The following NMNAT3 variants were observed in gnomAD, a reference collection of about 807,000 sequenced individuals.
The protein encoded by NMNAT3 is nicotinamide nucleotide adenylyltransferase 3.
NMNAT3 carries 21 observed loss-of-function variants against 24.8 expected under a neutral mutation model. The ratio of observed to expected loss-of-function variants is 0.85; its 90% CI spans 0.60 to 1.22. The LOEUF (loss-of-function observed/expected upper bound fraction) is 1.22, where lower values mean the gene tolerates loss of function less well. Among genes scored for constraint, NMNAT3 ranks in the 50% most tolerant of loss-of-function variants. The pLI is 0.00. For missense variants in NMNAT3, 387 were observed against 436.6 expected, an observed-to-expected ratio of 0.89 and a Z score of 1.01; for synonymous variants, 136 against 155.2, an observed-to-expected ratio of 0.88 and a Z score of 0.92.
intron 3 of NMNAT3, among the ~76,000 whole-genome samples, chr3:139,610,100 G>T (rs1314317193): frequency 1.3e-5 from 2 of 152,114 alleles, no homozygotes. Context: ...ATGAGTAATG[G>T]TTCCCCATTT....
At chr3:139,601,480 G>A (rs997179905) in intron 3 of NMNAT3, among the ~76,000 whole-genome samples, 8 of 152,154 alleles carry the variant, frequency 5.3e-5, no homozygotes, top group Non-Finnish European at 8.8e-5. Context: ...GCAGATACAC[G>A]GTTGGAAAGC....
chr3:139,592,220 C>T (rs893630552), intron 3 of NMNAT3, among the ~76,000 whole-genome samples: 50 of 151,796 alleles, frequency 3.3e-4, no homozygotes, highest in Middle Eastern at 3.4e-3. Flanking sequence ...AGGGTATCAG[C>T]GATGGAAGAT....
intron 1 of NMNAT3, among the ~76,000 whole-genome samples, chr3:139,657,730 T>C (rs1440862767): frequency 1.3e-5 from 2 of 151,038 alleles, no homozygotes; most frequent in Non-Finnish European, 3.0e-5. Flanking sequence ...GTGGAAGTCA[T>C]GTTGTGGGGG....
At chr3:139,666,762 C>G (rs912842534) in intron 1 of NMNAT3, among the ~76,000 whole-genome samples, 1 of 152,158 alleles carries the variant, frequency 6.6e-6, no homozygotes, top group African/African-American at 2.4e-5. Context: ...CCTTGCTACC[C>G]TCTGGTTATG....
intron 1 of NMNAT3, among the ~76,000 whole-genome samples, chr3:139,671,432 A>G (rs1347305715): frequency 6.6e-6 from 1 of 152,246 alleles, no homozygotes; most frequent in African/African-American, 2.4e-5. Flanking sequence ...GAGCATTTTT[A>G]TACAGTGGCT....
intron 2 of NMNAT3, among the ~76,000 whole-genome samples, chr3:139,628,132 A>G (rs2056138946): frequency 1.3e-5 from 2 of 152,238 alleles, no homozygotes; most frequent in African/African-American, 4.8e-5. Context: ...AAGGAGGGCT[A>G]GAAGACTCCC....
At chr3:139,578,825 A>G in intron 5 of NMNAT3, 47 bp downstream of exon 5, 1 of 1,527,288 alleles carries the variant, frequency 6.5e-7, no homozygotes, top group Non-Finnish European at 8.9e-7. Context: ...CTCTGCAGAC[A>G]TCTCCCGTGG....
Position 139,627,756 on chromosome 3 carries a change from G to T in NMNAT3, c.-32C>A. ...AGGCACATCCACACCTGTTGCAGTG[G>T]CCACCCTGCTTTTATGGGGACAAAA... is the stretch of plus-strand genomic sequence containing the variant. On this transcript the variant is annotated 5_prime_UTR_variant, in exon 3 of 7. Coordinates refer to ENST00000643695, the MANE Select transcript of NMNAT3 (RefSeq NM_001320510.2). 7.4e-7 allele frequency: 1 copy of T among 1,353,476 alleles called. No individual in the cohort carries two copies. Among genetic ancestry groups the T allele is most frequent in the Non-Finnish European group, 1.0e-6 (1 of 979,330 alleles). The allele number at this position is 1,353,476 out of a possible 1,614,324, so 83.8% of individuals were successfully genotyped here.
chr3:139,619,098 A>C (rs1008531870), intron 3 of NMNAT3, among the ~76,000 whole-genome samples: 3 of 152,070 alleles, frequency 2.0e-5, no homozygotes. Flanking sequence ...CTTCCTTTGC[A>C]CCTAGCGCCA....
chr3:139,576,710 C>T (rs1322314438), intron 5 of NMNAT3, among the ~76,000 whole-genome samples: 1 of 152,062 alleles, frequency 6.6e-6, no homozygotes, highest in Non-Finnish European at 1.5e-5. Context: ...CTGGGTGATT[C>T]CCGTGTGCAA....
At chr3:139,622,956 G>A (rs908236048) in intron 3 of NMNAT3, among the ~76,000 whole-genome samples, 2 of 147,826 alleles carry the variant, frequency 1.4e-5, no homozygotes, top group African/African-American at 4.9e-5. Flanking sequence ...TAAATGTGAA[G>A]GACTACAGTA....
intron 1 of NMNAT3, among the ~76,000 whole-genome samples, chr3:139,647,660 G>A (rs368458893): frequency 2.6e-5 from 4 of 152,120 alleles, no homozygotes; most frequent in African/African-American, 9.7e-5. Flanking sequence ...AAGTTTGGAG[G>A]GGTGCAGTGA....
At chr3:139,596,744 T>C (rs76589283) in intron 3 of NMNAT3, among the ~76,000 whole-genome samples, 4,176 of 151,734 alleles carry the variant, frequency 0.028, 208 homozygotes, top group African/African-American at 0.093. Context: ...TGACTGTTTT[T>C]GTGAGGAGCT....
At chr3:139,563,681 G>A (rs1337852668) in intron 6 of NMNAT3, among the ~76,000 whole-genome samples, 1 of 152,086 alleles carries the variant, frequency 6.6e-6, no homozygotes, top group Non-Finnish European at 1.5e-5. Flanking sequence ...TCACTTCTCG[G>A]GCAACATGGG....
chr3:139,655,313 G>A (rs77731446), intron 1 of NMNAT3, among the ~76,000 whole-genome samples: 2,519 of 152,260 alleles, frequency 0.017, 65 homozygotes, highest in African/African-American at 0.058. Context: ...AGAGTGATCA[G>A]TCTATAAGTG....
At chr3:139,568,944 T>A (rs963284239) in intron 6 of NMNAT3, 3 of 152,204 alleles carry the variant, frequency 2.0e-5, no homozygotes, top group Non-Finnish European at 4.4e-5. Flanking sequence ...CAGTGGAGTG[T>A]TAAAGTCTCC....
At chr3:139,628,143 G>A (rs1249053711) in intron 2 of NMNAT3, among the ~76,000 whole-genome samples, 3 of 152,172 alleles carry the variant, frequency 2.0e-5, no homozygotes, top group East Asian at 1.9e-4. Flanking sequence ...GAAGACTCCC[G>A]TAGTGCCATC....
chr3:139,655,558 G>A (rs529941572), intron 1 of NMNAT3, among the ~76,000 whole-genome samples: 1 of 152,270 alleles, frequency 6.6e-6, no homozygotes, highest in Non-Finnish European at 1.5e-5. Flanking sequence ...ACAAGGTTTT[G>A]ATTATCAGCC....
chr3:139,643,886 A>T (rs2056788096), intron 1 of NMNAT3, among the ~76,000 whole-genome samples: 2 of 152,242 alleles, frequency 1.3e-5, no homozygotes, highest in African/African-American at 4.8e-5. Context: ...TCACAATTAA[A>T]CATTTAAAAT....
Sources: allele counts gnomAD v4.1 joint callset (sites outside exome capture counted in the v4.1 genomes callset), GRCh38; gene constraint gnomAD v4.1.1; transcripts MANE v1.5; gene names NCBI Gene and HGNC (gene_info 2026-07-23, HGNC 2026-07-21).